KNL1: variants seen among roughly 807,000 people sequenced by gnomAD.
KNL1 encodes outer kinetochore KNL1 complex subunit KNL1.
KNL1 carries 66 observed loss-of-function variants against 201.3 expected under a neutral mutation model. The observed-to-expected ratio is 0.33, with a 90% CI of 0.27 to 0.40. The LOEUF (loss-of-function observed/expected upper bound fraction) is 0.40, where lower values mean the gene tolerates loss of function less well. Among genes scored for constraint, KNL1 ranks in the 10% least tolerant of loss-of-function variants. The probability of loss-of-function intolerance (pLI) is 1.00; values close to 1 mark genes in which losing one functional copy is unlikely to be tolerated. For synonymous variants in KNL1, 895 were observed against 899.2 expected, an observed-to-expected ratio of 1.00 and a Z score of 0.08; for missense variants, 2,815 against 2,690.5, an observed-to-expected ratio of 1.05 and a Z score of -1.02.
At chr15:40,605,534 C>T (rs1052801439) in intron 3 of KNL1, among the ~76,000 whole-genome samples, 1 of 151,718 alleles carries the variant, frequency 6.6e-6, no homozygotes, top group Non-Finnish European at 1.5e-5. Flanking sequence ...TCACTGTAAC[C>T]TCCGCCTCCT....
At chr15:40,618,892 C>T in intron 8 of KNL1, 67 bp from the exon 9 acceptor site, 1 of 1,006,026 alleles carries the variant, frequency 9.9e-7, no homozygotes, top group Non-Finnish European at 1.5e-6. Flanking sequence ...GATGAAGAAC[C>T]TAAGAAAAGG....
chr15:40,621,938 A>G lies in KNL1; in HGVS notation c.1674A>G (p.Ser558=). The G allele has an allele frequency of 6.2e-7, 1 of 1,613,776 alleles. No homozygotes were observed. Among genetic ancestry groups the G allele is most frequent in the Non-Finnish European group, 8.5e-7 (1 of 1,179,760 alleles). ...QQSLSNPLSI[S]LTDRKTELLS... ...GCCTGTCAAATCCTTTGTCTATTTC[A>G]TTGACTGATAGAAAGACTGAACTCT... The change falls in exon 10 of 26, where the codon TCA becomes TCG. Residue 558 remains serine (S), a synonymous_variant. Transcript: ENST00000399668.
At chr15:40,648,904 A>G (rs1184166463) in intron 17 of KNL1, among the ~76,000 whole-genome samples, 2 of 143,304 alleles carry the variant, frequency 1.4e-5, no homozygotes, top group African/African-American at 2.6e-5. Flanking sequence ...ATCTCTGCTC[A>G]CTGCAACCTC....
At chr15:40,643,610 A>T (rs938511396) in intron 14 of KNL1, among the ~76,000 whole-genome samples, 1 of 152,192 alleles carries the variant, frequency 6.6e-6, no homozygotes, top group South Asian at 2.1e-4. Flanking sequence ...GCGCCACTGC[A>T]CTCCAGCCTG....
chr15:40,657,381 G>A lies in KNL1; in HGVS notation c.6621G>A (p.Val2207=), dbSNP rs776329826. 2.5e-6 allele frequency: 4 copies of A among 1,606,718 alleles called. No individual in the cohort carries two copies. In the South Asian group the frequency reaches 3.3e-5, roughly 13 times the overall value. Residue 2207 remains valine (V), a synonymous_variant, in exon 24 of 26, where the codon GTG becomes GTA. Coordinates refer to ENST00000399668, the MANE Select transcript of KNL1 (RefSeq NM_144508.5). ...TGCTTGAAGAATTCTCACTGGTAGTGCACCATTGCAGACTCCTTGGAGAGG... is the reference window on the plus strand; with the variant it reads ...TGCTTGAAGAATTCTCACTGGTAGTACACCATTGCAGACTCCTTGGAGAGG... ...PKMLEEFSLV[V]HHCRLLGEEI...
chr15:40,661,897 C>T (rs1352117581), intron 25 of KNL1, among the ~76,000 whole-genome samples, 177 bp from the exon 26 acceptor site: 2 of 151,936 alleles, frequency 1.3e-5, no homozygotes, highest in African/African-American at 2.4e-5. Flanking sequence ...AAAAATTAGC[C>T]GGGCGTGGTG....
At chr15:40,646,926 A>C in intron 16 of KNL1, 61 bp from the exon 17 acceptor site, 1 of 739,784 alleles carries the variant, frequency 1.4e-6, no homozygotes, top group Non-Finnish European at 2.4e-6. Context: ...GAGCAGTTTG[A>C]ACCATTTATA....
At chr15:40,655,155 G>A (rs923788249) in intron 22 of KNL1, among the ~76,000 whole-genome samples, 178 bp downstream of exon 22, 5 of 151,354 alleles carry the variant, frequency 3.3e-5, no homozygotes, top group Non-Finnish European at 7.4e-5. Flanking sequence ...AAAACTAGCC[G>A]GGTGTGATGG....
chr15:40,614,605 A>T (rs2141711311), intron 7 of KNL1, among the ~76,000 whole-genome samples: 2 of 152,140 alleles, frequency 1.3e-5, no homozygotes, highest in South Asian at 4.2e-4. Context: ...ACTTGCAGAA[A>T]TTTTTTTTGT....
In KNL1 at chr15:40,620,889, T is replaced by C; in HGVS notation, c.625T>C (p.Ser209Pro). The C allele has an allele frequency of 1.9e-6, 3 of 1,598,450 alleles. No homozygotes were observed. The highest frequency in any genetic ancestry group is 2.6e-6 in the Non-Finnish European group (3 of 1,175,164). Reference protein sequence around the residue: ...VNFSVDQNTSSENKIDFNDFI... With the variant: ...VNFSVDQNTSPENKIDFNDFI... ...TTTTTCCGTGGATCAAAACACTTCT[T>C]CAGAAAATAAAATAGATTTCAATGA... is the stretch of plus-strand genomic sequence containing the variant. Residue 209 changes from serine to proline, a missense_variant, in exon 10 of 26, where the codon TCA becomes CCA. Transcript: ENST00000399668.
chr15:40,610,140 AATC>A, intron 5 of KNL1, 102 bp from the exon 6 acceptor site: 1 of 638,174 alleles, frequency 1.6e-6, no homozygotes. Flanking sequence ...AGGAAGCTAA[AATC>A]AAAGTATTAT....
chr15:40,595,901 A>G (rs1423904721), intron 1 of KNL1, among the ~76,000 whole-genome samples: 1 of 152,220 alleles, frequency 6.6e-6, no homozygotes, highest in Non-Finnish European at 1.5e-5. Flanking sequence ...TATCGGTCGT[A>G]TAAATGTAGG....
chr15:40,628,303 A>G (rs1892810266), intron 11 of KNL1, 95 bp downstream of exon 11: 2 of 1,304,788 alleles, frequency 1.5e-6, no homozygotes, highest in Non-Finnish European at 2.1e-6. Flanking sequence ...AATGTTGTAT[A>G]TGCCTTTTTG....
intron 10 of KNL1, chr15:40,625,944 C>A (rs1595929236): frequency 4.0e-6 from 1 of 247,452 alleles, no homozygotes; most frequent in African/African-American, 2.3e-5. Context: ...TATACTGTCA[C>A]CTCTAGTGAT....
chr15:40,639,321 C>T (rs1472116025), intron 13 of KNL1, among the ~76,000 whole-genome samples: 1 of 150,764 alleles, frequency 6.6e-6, no homozygotes, highest in East Asian at 2.0e-4. Flanking sequence ...CACGATGGCT[C>T]ATGTCTGTAA....
At chr15:40,626,986 C>T (rs889888949) in intron 10 of KNL1, among the ~76,000 whole-genome samples, 4 of 152,192 alleles carry the variant, frequency 2.6e-5, no homozygotes, top group African/African-American at 9.6e-5. Context: ...CCTCCGCCTC[C>T]CAGGTTCAAG....
rs773834257 is a variant in KNL1, at chr15:40,622,281, G to C, written c.2017G>C (p.Val673Leu). ...NQEIATSHNIVYCGGVLDKQI... is the reference protein window; with the variant it reads ...NQEIATSHNILYCGGVLDKQI... ...GGAGATAGCAACAAGCCATAATATA[G>C]TCTACTGTGGTGGAGTTCTTGATAA... Residue 673 changes from valine to leucine, a missense_variant, in exon 10 of 26, where the codon GTC becomes CTC. Transcript: ENST00000399668. 1 of 1,613,966 alleles carries C rather than the reference G, an allele frequency of 6.2e-7. No individual in the cohort carries two copies. The highest frequency in any genetic ancestry group is 8.5e-7 in the Non-Finnish European group (1 of 1,179,912).
chr15:40,637,165 T>C (rs1893078498), intron 13 of KNL1, among the ~76,000 whole-genome samples: 1 of 137,592 alleles, frequency 7.3e-6, no homozygotes, highest in African/African-American at 2.7e-5. Context: ...TCTCTTTTTC[T>C]TTTTTCTTTC....
chr15:40,662,743 TGAGTCCAGGAATTCAA>T lies in KNL1; in HGVS notation c.*558_*573del, dbSNP rs1567025819. ...GGGAGGCCAAAATGGGTGAATAGCC[TGAGTCCAGGAATTCAA>T]GACCAGCCTGGGCAACATGGCAAAA... On this transcript the variant is annotated 3_prime_UTR_variant, in exon 26 of 26. Coordinates refer to ENST00000399668, the MANE Select transcript of KNL1 (RefSeq NM_144508.5). 1 of 179,438 alleles carries T rather than the reference TGAGTCCAGGAATTCAA, an allele frequency of 5.6e-6. No individual in the cohort carries two copies. Among genetic ancestry groups the T allele is most frequent in the Non-Finnish European group, 1.2e-5 (1 of 83,870 alleles). The allele number at this position is 179,438 out of a possible 1,614,324, so 11.1% of individuals were successfully genotyped here.
Sources: gnomAD v4.1 joint callset for allele counts (sites outside exome capture counted in the v4.1 genomes callset) on GRCh38, gnomAD v4.1.1 for gene constraint, MANE v1.5 for transcripts, NCBI Gene and HGNC (gene_info 2026-07-23, HGNC 2026-07-21) for gene names.